The following DGKI variants were observed in gnomAD, a reference collection of about 807,000 sequenced individuals.
DGKI encodes the protein DAG kinase iota.
Under a neutral mutation model 147.5 loss-of-function variants are expected in DGKI, and 55 were observed. The observed-to-expected ratio is 0.37, with a 90% CI of 0.30 to 0.47. The LOEUF (loss-of-function observed/expected upper bound fraction) is 0.47, where lower values mean the gene tolerates loss of function less well. Among genes scored for constraint, DGKI ranks in the 20% least tolerant of loss-of-function variants. The pLI, the probability that DGKI is intolerant of heterozygous loss-of-function variation, is 1.00. For synonymous variants in DGKI, 469 were observed against 477.1 expected, an observed-to-expected ratio of 0.98 and a Z score of 0.22; for missense variants, 1,007 against 1,323.8, an observed-to-expected ratio of 0.76 and a Z score of 3.71.
chr7:137,633,620 T>C (rs974015115), intron 6 of DGKI, among the ~76,000 whole-genome samples: 4 of 152,116 alleles, frequency 2.6e-5, no homozygotes, highest in Admixed American at 2.6e-4. Flanking sequence ...CCAGCTGAGA[T>C]CCCATAAAAC....
At chr7:137,432,357 A>G (rs1456990639) in intron 28 of DGKI, among the ~76,000 whole-genome samples, 3 of 152,152 alleles carry the variant, frequency 2.0e-5, no homozygotes, top group Non-Finnish European at 4.4e-5. Context: ...GGCTTTAATC[A>G]TCCCAAAAGC....
intron 8 of DGKI, among the ~76,000 whole-genome samples, chr7:137,614,644 C>G (rs189537472): frequency 1.8e-4 from 27 of 152,222 alleles, no homozygotes; most frequent in Admixed American, 1.4e-3. Context: ...TTCTTCATCT[C>G]TCTAAATAAT....
At chr7:137,472,776 C>A (rs1368007476) in intron 23 of DGKI, among the ~76,000 whole-genome samples, 1 of 151,766 alleles carries the variant, frequency 6.6e-6, no homozygotes. Flanking sequence ...ACTATGAAAG[C>A]TAATAAATAA....
chr7:137,563,144 A>G (rs1264211964), intron 19 of DGKI, among the ~76,000 whole-genome samples: 1 of 151,994 alleles, frequency 6.6e-6, no homozygotes, highest in Non-Finnish European at 1.5e-5. Context: ...TATAAACAAA[A>G]GAAAGGGGAA....
intron 29 of DGKI, among the ~76,000 whole-genome samples, chr7:137,410,975 G>T (rs538149785): frequency 6.6e-6 from 1 of 152,330 alleles, no homozygotes; most frequent in South Asian, 2.1e-4. Context: ...TGCCTAAAGG[G>T]GGCAGTTGAT....
chr7:137,509,553 G>A (rs1397756958), intron 21 of DGKI, among the ~76,000 whole-genome samples: 2 of 152,138 alleles, frequency 1.3e-5, no homozygotes, highest in African/African-American at 4.8e-5. Flanking sequence ...ATGGACTTGT[G>A]GCCTGCTGAG....
At chr7:137,599,175 G>A (rs1819899284) in intron 11 of DGKI, among the ~76,000 whole-genome samples, 2 of 152,146 alleles carry the variant, frequency 1.3e-5, no homozygotes, top group Non-Finnish European at 2.9e-5. Flanking sequence ...AGTGTCCTTG[G>A]TCTTTTCCAC....
At chr7:137,799,875 T>TATTTGAA (rs1797141788) in intron 1 of DGKI, among the ~76,000 whole-genome samples, 1 of 152,260 alleles carries the variant, frequency 6.6e-6, no homozygotes. Context: ...ATGAACCATG[T>TATTTGAA]ATTTGAAGCT....
At chr7:137,824,453 T>C (rs962015025) in intron 1 of DGKI, among the ~76,000 whole-genome samples, 5 of 148,562 alleles carry the variant, frequency 3.4e-5, no homozygotes, top group African/African-American at 1.3e-4. Flanking sequence ...GAAATAGAGA[T>C]TGCAGTGAGC....
At position 137,618,142 on chromosome 7, in the gene DGKI, TATATATATA is replaced by T. The variant is rs1563114530; in HGVS notation, c.993+1673_993+1681del. Among the ~76,000 whole-genome samples, 15 of 12,348 alleles carry T rather than the reference TATATATATA, an allele frequency of 1.2e-3. 1 individual carries two copies. The highest frequency in any genetic ancestry group is 3.4e-3 in the South Asian group (1 of 290). The allele number at this position is 12,348 out of a possible 152,430, so 8.1% of individuals were successfully genotyped here. A position where few individuals can be genotyped will look rare whatever the true frequency, so the allele number is the denominator to read the frequency against. On this transcript the variant is annotated intron_variant, in intron 8 of 32. Transcript: ENST00000614521. Reference sequence around the variant, plus strand: ...TTCTAAAATACTATATATATATATATATATATATATTTTTTTTTTTTTACTCTATCATTC... The same window carrying T: ...TTCTAAAATACTATATATATATATATTTTTTTTTTTTTTACTCTATCATTC...
chr7:137,735,070 T>A (rs1331878867), intron 1 of DGKI, among the ~76,000 whole-genome samples: 3 of 152,088 alleles, frequency 2.0e-5, no homozygotes, highest in Non-Finnish European at 4.4e-5. Context: ...TTTCCCTGTT[T>A]CCACTCTAGC....
intron 3 of DGKI, among the ~76,000 whole-genome samples, chr7:137,657,579 G>T (rs546502975): frequency 6.6e-6 from 1 of 152,308 alleles, no homozygotes; most frequent in South Asian, 2.1e-4. Flanking sequence ...GGATTTGTAT[G>T]AATAATTTCT....
chr7:137,516,837 A>C (rs1816762373), intron 21 of DGKI, among the ~76,000 whole-genome samples: 1 of 152,076 alleles, frequency 6.6e-6, no homozygotes, highest in African/African-American at 2.4e-5. Context: ...TGCAAACTGG[A>C]AACAATTTAA....
intron 1 of DGKI, among the ~76,000 whole-genome samples, chr7:137,744,981 C>A (rs1445196274): frequency 2.6e-5 from 4 of 152,156 alleles, no homozygotes; most frequent in Non-Finnish European, 5.9e-5. Flanking sequence ...ATAACTGGAA[C>A]AAGATAAGGG....
intron 19 of DGKI, among the ~76,000 whole-genome samples, chr7:137,562,877 G>T (rs1563086786): frequency 2.6e-5 from 4 of 152,042 alleles, no homozygotes. Flanking sequence ...AATTCTTTCA[G>T]GAAATAGAAG....
intron 6 of DGKI, 83 bp from the exon 7 acceptor site, chr7:137,623,637 G>T: frequency 1.6e-6 from 2 of 1,231,210 alleles, no homozygotes; most frequent in Non-Finnish European, 1.2e-6. Context: ...GCAATGACGT[G>T]AATAAGGCCA....
intron 21 of DGKI, among the ~76,000 whole-genome samples, chr7:137,494,825 C>A (rs1318930073): frequency 6.6e-6 from 1 of 152,104 alleles, no homozygotes; most frequent in African/African-American, 2.4e-5. Flanking sequence ...CATATTAATG[C>A]TAACTTTGAA....
At chr7:137,472,233 A>ATGT (rs1247544506) in intron 23 of DGKI, among the ~76,000 whole-genome samples, 1 of 105,454 alleles carries the variant, frequency 9.5e-6, no homozygotes, top group Non-Finnish European at 1.6e-5. Flanking sequence ...ATATACATAT[A>ATGT]ATATATGTAT....
At chr7:137,657,221 A>G (rs1162738478) in intron 3 of DGKI, among the ~76,000 whole-genome samples, 1 of 152,272 alleles carries the variant, frequency 6.6e-6, no homozygotes, top group East Asian at 1.9e-4. Context: ...CACAAATGGT[A>G]GTTCACTTAA....
Sources: gnomAD v4.1 joint callset for allele counts (sites outside exome capture counted in the v4.1 genomes callset) on GRCh38, gnomAD v4.1.1 for gene constraint, MANE v1.5 for transcripts, NCBI Gene and HGNC (gene_info 2026-07-23, HGNC 2026-07-21) for gene names.